MYO16: variants seen among roughly 807,000 people sequenced by gnomAD.
MYO16 encodes the protein unconventional myosin-XVI.
MYO16 carries 94 observed loss-of-function variants against 205.3 expected under a neutral mutation model. The ratio of observed to expected loss-of-function variants is 0.46; its 90% CI spans 0.39 to 0.54. The LOEUF is 0.54. MYO16 is among the 20% of genes least tolerant of loss of function. The pLI is 0.00. For synonymous variants in MYO16, 988 were observed against 954.0 expected, an observed-to-expected ratio of 1.04 and a Z score of -0.66; for missense variants, 2,315 against 2,387.5, an observed-to-expected ratio of 0.97 and a Z score of 0.63.
intron 1 of MYO16, among the ~76,000 whole-genome samples, chr13:108,613,725 A>G (rs966016209): frequency 6.6e-6 from 1 of 152,184 alleles, no homozygotes; most frequent in African/African-American, 2.4e-5. Flanking sequence ...AATATAATAT[A>G]TCATATTAAC....
At chr13:109,129,125 A>G (rs1424752966) in intron 31 of MYO16, among the ~76,000 whole-genome samples, 2 of 145,032 alleles carry the variant, frequency 1.4e-5, no homozygotes, top group Non-Finnish European at 3.0e-5. Flanking sequence ...GTCATTAACT[A>G]TTGTCACCAT....
intron 3 of MYO16, among the ~76,000 whole-genome samples, chr13:108,723,785 GTTC>G (rs1363831203): frequency 6.6e-6 from 1 of 152,004 alleles, no homozygotes; most frequent in Non-Finnish European, 1.5e-5. Flanking sequence ...CCACCCTAAA[GTTC>G]TTTGGGCAAT....
chr13:108,553,450 C>T, the MYO16 span, among the ~76,000 whole-genome samples: 1 of 152,252 alleles, frequency 6.6e-6, no homozygotes, highest in East Asian at 1.9e-4. Context: ...TTCCTTGACC[C>T]TACCAGTCTG....
intron 2 of MYO16, among the ~76,000 whole-genome samples, chr13:108,698,655 T>C (rs1306260719): frequency 2.6e-5 from 4 of 152,178 alleles, no homozygotes; most frequent in African/African-American, 9.7e-5. Context: ...AAAGACATGT[T>C]TGAATGGAAA....
At chr13:108,919,567 A>T (rs1402597671) in intron 16 of MYO16, among the ~76,000 whole-genome samples, 1 of 152,108 alleles carries the variant, frequency 6.6e-6, no homozygotes, top group Non-Finnish European at 1.5e-5. Flanking sequence ...TTGGCTGAGT[A>T]AAGATGTTTG....
chr13:108,597,673 G>A (rs923851427), intron 1 of MYO16, among the ~76,000 whole-genome samples: 13 of 152,074 alleles, frequency 8.5e-5, no homozygotes, highest in South Asian at 4.2e-4. Context: ...CTGCCCTGCC[G>A]TTCCCCTCCA....
intron 12 of MYO16, among the ~76,000 whole-genome samples, chr13:108,880,838 C>A (rs374845152): frequency 2.0e-5 from 3 of 152,160 alleles, no homozygotes; most frequent in East Asian, 1.9e-4. Context: ...ATTGTCTTGG[C>A]AATGTAGGCT....
rs570590560 is a variant in MYO16 at position 108,655,555 on chromosome 13, G to C, written c.29-10331G>C. On this transcript the variant is annotated intron_variant, in intron 1 of 34. Transcript: ENST00000457511. ...AGAGCCTCCACTGGGGCACTGCCTAGTGGAGCTTTGGGAAGAGAGCCACCA... is the reference window on the plus strand; with the variant it reads ...AGAGCCTCCACTGGGGCACTGCCTACTGGAGCTTTGGGAAGAGAGCCACCA... Among the ~76,000 whole-genome samples, 428 of 152,320 alleles carry C rather than the reference G, an allele frequency of 2.8e-3. 1 individual carries two copies. The highest frequency in any genetic ancestry group is 3.0e-3 in the Non-Finnish European group (207 of 68,028).
intron 3 of MYO16, among the ~76,000 whole-genome samples, chr13:108,715,358 C>T (rs143484400): frequency 1.2e-3 from 186 of 152,276 alleles, no homozygotes; most frequent in African/African-American, 4.1e-3. Flanking sequence ...TCACCACTGA[C>T]GCCTCACAAG....
chr13:108,951,936 A>C (rs556387287), intron 16 of MYO16, among the ~76,000 whole-genome samples: 1 of 152,158 alleles, frequency 6.6e-6, no homozygotes, highest in African/African-American at 2.4e-5. Flanking sequence ...AAATGCCATC[A>C]CTACTAAAAA....
chr13:109,120,626 A>G (rs1296139893), intron 29 of MYO16, among the ~76,000 whole-genome samples, 160 bp downstream of exon 29: 4 of 152,230 alleles, frequency 2.6e-5, no homozygotes, highest in African/African-American at 9.6e-5. Flanking sequence ...TTGGGTGTTT[A>G]GGAAGCATTG....
At chr13:108,559,402 T>A in the MYO16 span, among the ~76,000 whole-genome samples, 1 of 151,938 alleles carries the variant, frequency 6.6e-6, no homozygotes, top group African/African-American at 2.4e-5. Context: ...CCCAGGACTG[T>A]GGAAGATTAC....
At chr13:109,120,278 C>A (rs1594102308) in intron 28 of MYO16, 92 bp from the exon 29 acceptor site, 1 of 853,002 alleles carries the variant, frequency 1.2e-6, no homozygotes, top group Non-Finnish European at 1.8e-6. Flanking sequence ...TCTTCTAATC[C>A]TCTGCTGGAA....
At chr13:108,669,718 A>G (rs1352057046) in intron 2 of MYO16, among the ~76,000 whole-genome samples, 2 of 152,144 alleles carry the variant, frequency 1.3e-5, no homozygotes, top group Admixed American at 6.5e-5. Context: ...TGTGGTACAT[A>G]TACACCATGG....
intron 2 of MYO16, among the ~76,000 whole-genome samples, chr13:108,699,940 G>A (rs1313088769): frequency 3.3e-5 from 5 of 152,012 alleles, no homozygotes; most frequent in Admixed American, 6.6e-5. Context: ...ACAGAGAGAC[G>A]ACCACTGAAA....
chr13:108,736,270 G>A (rs1884694579), intron 4 of MYO16, among the ~76,000 whole-genome samples: 1 of 152,068 alleles, frequency 6.6e-6, no homozygotes, highest in African/African-American at 2.4e-5. Context: ...GGGTTTTTAT[G>A]GTTTTAGGTC....
chr13:109,012,279 T>C (rs991702180), intron 22 of MYO16, among the ~76,000 whole-genome samples: 4 of 152,070 alleles, frequency 2.6e-5, no homozygotes, highest in African/African-American at 7.2e-5. Flanking sequence ...GAAAAAGGCT[T>C]CACAGCAGGG....
At chr13:109,079,383 A>G (rs1180978776) in intron 27 of MYO16, among the ~76,000 whole-genome samples, 2 of 88,272 alleles carry the variant, frequency 2.3e-5, no homozygotes, top group South Asian at 4.6e-4. Flanking sequence ...TACCTACTGT[A>G]TGGGTTTTTT....
intron 27 of MYO16, among the ~76,000 whole-genome samples, chr13:109,073,122 G>A (rs1001067992): frequency 1.0e-5 from 1 of 95,896 alleles, no homozygotes; most frequent in Non-Finnish European, 2.4e-5. Flanking sequence ...TTTTTTTTGA[G>A]ATGGAGTCTC....
Sources: gnomAD v4.1 joint callset for allele counts (sites outside exome capture counted in the v4.1 genomes callset) on GRCh38, gnomAD v4.1.1 for gene constraint, MANE v1.5 for transcripts, NCBI Gene and HGNC (gene_info 2026-07-23, HGNC 2026-07-21) for gene names.